WRN: variants seen among roughly 807,000 people sequenced by gnomAD.
The protein encoded by WRN is bifunctional 3'-5' exonuclease/ATP-dependent helicase WRN.
In WRN, 149 loss-of-function variants were observed where a neutral mutation model predicts 180.7. That is an observed-to-expected ratio of 0.82 (90% CI 0.72 to 0.94). The LOEUF is 0.94. Among genes scored for constraint, WRN ranks in the 40% least tolerant of loss-of-function variants. The pLI, the probability that WRN is intolerant of heterozygous loss-of-function variation, is 0.00. For synonymous variants in WRN, 548 were observed against 568.9 expected (o/e 0.96, Z 0.52); for missense variants, 1,661 against 1,700.1 (o/e 0.98, Z 0.40).
At chr8:31,098,089 G>T (rs1814067946) in intron 17 of WRN, among the ~76,000 whole-genome samples, 1 of 152,136 alleles carries the variant, frequency 6.6e-6, no homozygotes, top group Admixed American at 6.5e-5. Context: ...ACAAAAGAAT[G>T]AGGGCAGCAA....
chr8:31,132,656 A>G (rs1288138531), intron 24 of WRN, 150 bp downstream of exon 24: 4 of 1,089,304 alleles, frequency 3.7e-6, no homozygotes, highest in Admixed American at 4.6e-5. Flanking sequence ...GTTAAACACT[A>G]CATTCATTAC....
intron 18 of WRN, among the ~76,000 whole-genome samples, chr8:31,103,079 A>G (rs888604123): frequency 6.6e-6 from 1 of 152,212 alleles, no homozygotes; most frequent in Admixed American, 6.5e-5. Context: ...ACACAGGGTC[A>G]GGATCATCAA....
chr8:31,133,930 T>A (rs562002300), intron 24 of WRN, among the ~76,000 whole-genome samples: 16 of 152,328 alleles, frequency 1.1e-4, no homozygotes, highest in Non-Finnish European at 1.2e-4. Flanking sequence ...AGTAGGCTCC[T>A]TGACAAACTT....
At chr8:31,049,368 C>T (rs560253619) in intron 1 of WRN, among the ~76,000 whole-genome samples, 21 of 147,582 alleles carry the variant, frequency 1.4e-4, no homozygotes, top group African/African-American at 4.7e-4. Flanking sequence ...TCCATTTCTA[C>T]AAAAAATACA....
intron 1 of WRN, among the ~76,000 whole-genome samples, chr8:31,058,047 G>T (rs1347041329): frequency 6.6e-6 from 1 of 152,116 alleles, no homozygotes; most frequent in Non-Finnish European, 1.5e-5. Flanking sequence ...GAATAATCAT[G>T]TAGAAAATTT....
chr8:31,142,293 A>G (rs1263166487), intron 26 of WRN, among the ~76,000 whole-genome samples: 1 of 152,170 alleles, frequency 6.6e-6, no homozygotes, highest in African/African-American at 2.4e-5. Flanking sequence ...TGGTATTTAG[A>G]AAACTTCTTT....
Position 31,100,714 on chromosome 8 carries a change from T to A in WRN, c.1982-135T>A, listed in dbSNP as rs181046205. On this transcript the variant is annotated intron_variant, in intron 17 of 34. Transcript: ENST00000298139. The stretch of plus-strand genomic sequence containing the variant: ...ATAATGATTTTTGGTGTTAATATGA[T>A]GATATTTATGCTTCTGTTTTTATAG... 1,092 of 705,164 alleles carry A rather than the reference T, an allele frequency of 1.5e-3. 13 individuals are homozygous for A. In the African/African-American group the frequency reaches 0.016, roughly 10 times the overall value. 43.7% of individuals were successfully genotyped at this position (705,164 alleles called of 1,614,324 possible).
rs1053709892 is a variant in WRN, at chr8:31,060,251, A to T, written c.209+986A>T. 8.7e-4 allele frequency among the ~76,000 whole-genome samples: 133 copies of T among 152,204 alleles called. 6 individuals are homozygous for T. Among genetic ancestry groups the T allele is most frequent in the Admixed American group, 8.5e-3 (130 of 15,298 alleles). The stretch of plus-strand genomic sequence containing the variant: ...GTTATACCTGTCTTTTAAAAAAAAA[A>T]TTTTGTTATATATTGGGTTAAAAAA... On this transcript the variant is annotated intron_variant, in intron 3 of 34. Coordinates refer to ENST00000298139, the MANE Select transcript of WRN (RefSeq NM_000553.6).
intron 1 of WRN, among the ~76,000 whole-genome samples, chr8:31,055,125 G>A (rs1812219885): frequency 6.6e-6 from 1 of 152,126 alleles, no homozygotes; most frequent in Non-Finnish European, 1.5e-5. Flanking sequence ...ATCATTGATG[G>A]GCATTTGGTT....
In WRN at chr8:31,173,125, A is replaced by G; in HGVS notation, c.*23A>G. 6.3e-7 allele frequency: 1 copy of G among 1,592,436 alleles called. No individual in the cohort carries two copies. The highest frequency in any genetic ancestry group is 8.6e-7 in the Non-Finnish European group (1 of 1,160,606). On this transcript the variant is annotated 3_prime_UTR_variant, in exon 35 of 35. Transcript: ENST00000298139. The stretch of plus-strand genomic sequence containing the variant: ...TAAGCTGGCAATTACCAGAACAATT[A>G]TGTTTCTTGCTGTATTATAAGAGGA...
intron 21 of WRN, 116 bp from the exon 22 acceptor site, chr8:31,124,406 G>A (rs1208490195): frequency 9.2e-6 from 7 of 763,250 alleles, no homozygotes; most frequent in South Asian, 3.5e-5. Context: ...TTTTTATCTT[G>A]ATGGGGTGTG....
chr8:31,081,331 T>C, intron 9 of WRN, 35 bp downstream of exon 9: 2 of 1,608,276 alleles, frequency 1.2e-6, no homozygotes, highest in Non-Finnish European at 8.5e-7. Context: ...TTTTAGTTAT[T>C]AGTAGGTTCT....
chr8:31,055,727 T>A (rs2129987327), intron 1 of WRN, among the ~76,000 whole-genome samples: 1 of 152,338 alleles, frequency 6.6e-6, no homozygotes, highest in East Asian at 1.9e-4. Flanking sequence ...CTGTTCACTC[T>A]GATTTGCTGT....
At chr8:31,092,441 G>T (rs1411058731) in intron 16 of WRN, among the ~76,000 whole-genome samples, 2 of 146,202 alleles carry the variant, frequency 1.4e-5, no homozygotes, top group African/African-American at 5.2e-5. Context: ...CACCCATTTT[G>T]TGTGTGTGTG....
At chr8:31,170,488 A>G (rs1047251344) in intron 34 of WRN, among the ~76,000 whole-genome samples, 1 of 152,212 alleles carries the variant, frequency 6.6e-6, no homozygotes, top group Admixed American at 6.5e-5. Context: ...TTTTCATGAC[A>G]AATGTATCAG....
chr8:31,053,544 A>T (rs983525956), intron 1 of WRN, among the ~76,000 whole-genome samples: 1 of 152,190 alleles, frequency 6.6e-6, no homozygotes, highest in African/African-American at 2.4e-5. Context: ...GAAAAGGAAA[A>T]ATTTAAATTA....
At chr8:31,119,156 T>TCCTCCTTTCCTC (rs1801625397) in intron 20 of WRN, among the ~76,000 whole-genome samples, 1 of 152,048 alleles carries the variant, frequency 6.6e-6, no homozygotes, top group African/African-American at 2.4e-5. Flanking sequence ...CTCAGCATTT[T>TCCTCCTTTCCTC]CCTCCTTTCC....
At chr8:31,074,619 C>T (rs1813032277) in intron 7 of WRN, among the ~76,000 whole-genome samples, 3 of 152,062 alleles carry the variant, frequency 2.0e-5, no homozygotes, top group Admixed American at 2.0e-4. Flanking sequence ...TAACTTGTGT[C>T]ATCATCGATG....
chr8:31,126,384 T>TA (rs1308023607), intron 23 of WRN, among the ~76,000 whole-genome samples: 1 of 152,156 alleles, frequency 6.6e-6, no homozygotes, highest in Non-Finnish European at 1.5e-5. Flanking sequence ...ATAACACACT[T>TA]ATAAATAAAT....
Sources: gnomAD v4.1 joint callset for allele counts (sites outside exome capture counted in the v4.1 genomes callset) on GRCh38, gnomAD v4.1.1 for gene constraint, MANE v1.5 for transcripts, NCBI Gene and HGNC (gene_info 2026-07-23, HGNC 2026-07-21) for gene names.